Variants in DENND2A observed in about 807,000 individuals in gnomAD.
The protein encoded by DENND2A is DENN domain containing 2A.
DENND2A carries 53 observed loss-of-function variants against 105.3 expected under a neutral mutation model. The observed-to-expected ratio is 0.50, with a 90% CI of 0.40 to 0.63. DENND2A has a LOEUF of 0.63. DENND2A is among the 30% of genes least tolerant of loss of function. The pLI, the probability that DENND2A is intolerant of heterozygous loss-of-function variation, is 0.00. For synonymous variants in DENND2A, 522 were observed against 508.4 expected (o/e 1.03, Z -0.36); for missense variants, 1,138 against 1,279.6 (o/e 0.89, Z 1.69).
chr7:140,626,544 G>C (rs1009514587), intron 1 of DENND2A, among the ~76,000 whole-genome samples: 8 of 152,178 alleles, frequency 5.3e-5, no homozygotes, highest in African/African-American at 1.9e-4. Flanking sequence ...GCACCCGTAG[G>C]TCACGTTCGT....
rs1259193140 is a variant in DENND2A, at chr7:140,540,867, G to A, written c.2327+3751C>T. On this transcript the variant is annotated intron_variant, in intron 14 of 19. Coordinates refer to ENST00000496613, the MANE Select transcript of DENND2A (RefSeq NM_015689.5). Reference sequence around the variant, plus strand: ...CGAGTAGCTGGGATTACAGGTGCACGCCACCACGACCAGCTAATTTTTGTA... The same window carrying A: ...CGAGTAGCTGGGATTACAGGTGCACACCACCACGACCAGCTAATTTTTGTA... Among the ~76,000 whole-genome samples the A allele has an allele frequency of 2.0e-5, 3 of 151,982 alleles. No individual in the cohort carries two copies. In the East Asian group the frequency reaches 5.8e-4, roughly 29 times the overall value.
intron 6 of DENND2A, among the ~76,000 whole-genome samples, chr7:140,571,129 G>C (rs1050807307): frequency 6.6e-6 from 1 of 152,062 alleles, no homozygotes; most frequent in African/African-American, 2.4e-5. Context: ...AATATAGGAT[G>C]GTAATCAATT....
In DENND2A at chr7:140,527,319, T is replaced by A; in HGVS notation, c.2504A>T (p.Glu835Val). 1 of 1,580,876 alleles carries A rather than the reference T, an allele frequency of 6.3e-7. No homozygotes were observed. Among genetic ancestry groups the A allele is most frequent in the African/African-American group, 1.3e-5 (1 of 74,526 alleles). ...GGACAGGGCTGAGTGGGAGCTCACC[T>A]CTTCCAGCGGCAGCTCCCTGAGCAG... ...LPLLRELPLE[E>V]VLVVDLVNSR... The change falls in exon 15 of 20, where the codon GAG (glutamate) becomes GTG (valine). Residue 835 changes from glutamate to valine, a missense_variant and splice_region_variant. Glu to Val is a moderately radical substitution (Grantham distance 121). Around this residue, in one of 2 missense-constraint regions of DENND2A, gnomAD observed 627 missense variants for 779.8 expected, o/e 0.80. Transcript: ENST00000496613. This position sits in a 1 kb window ranked among gnomAD's most constrained non-coding sequence, Gnocchi z 4.9.
chr7:140,555,780 G>A (rs1314595592), intron 11 of DENND2A, 67 bp from the exon 12 acceptor site: 2 of 1,411,440 alleles, frequency 1.4e-6, no homozygotes, highest in African/African-American at 1.5e-5. Flanking sequence ...GAACCCACAT[G>A]TTTTTTGCGA....
chr7:140,626,264 T>C (rs1180611032), intron 1 of DENND2A, among the ~76,000 whole-genome samples: 2 of 152,206 alleles, frequency 1.3e-5, no homozygotes, highest in East Asian at 3.8e-4. Flanking sequence ...CTGCACACCA[T>C]GCATGCTGTG....
chr7:140,548,802 G>A (rs575552237), intron 12 of DENND2A, among the ~76,000 whole-genome samples: 2 of 151,064 alleles, frequency 1.3e-5, no homozygotes, highest in Non-Finnish European at 2.9e-5. Context: ...TAGTAGAGAC[G>A]GGGTTTCTCC....
In DENND2A at chr7:140,578,852, C is replaced by T. The variant is rs192434440; in HGVS notation, c.1246-4844G>A. On this transcript the variant is annotated intron_variant, in intron 5 of 19. Transcript: ENST00000496613. The stretch of plus-strand genomic sequence containing the variant: ...TCATGCCACTGCACTCTAGCCTGGG[C>T]GACAGCGTGAGACTTCGTCTCATAA... 1.6e-3 allele frequency among the ~76,000 whole-genome samples: 247 copies of T among 152,166 alleles called. 1 individual carries two copies. Among genetic ancestry groups the T allele is most frequent in the Admixed American group, 2.8e-3 (43 of 15,296 alleles).
rs761393875 is a variant in DENND2A at position 140,602,141 on chromosome 7, T to C, written c.257A>G (p.Asp86Gly). 1.2e-6 allele frequency: 2 copies of C among 1,614,140 alleles called. No individual in the cohort carries two copies. The highest frequency in any genetic ancestry group is 8.5e-7 in the Non-Finnish European group (1 of 1,180,008). ...PSSTVERRSS[D>G]GVRTQVTEAK... is the part of the protein sequence containing the mutation. ...CTCTGTGACCTGAGTTCTCACCCCA[T>C]CACTACTCCTCCTCTCCACCGTAGA... Residue 86 changes from aspartate to glycine, a missense_variant, in exon 3 of 20, where the codon GAT becomes GGT. This residue lies in a region of DENND2A where 511 missense variants were observed against 499.9 expected (regional missense o/e 1.02). Coordinates refer to ENST00000496613, the MANE Select transcript of DENND2A (RefSeq NM_015689.5).
At position 140,537,127 on chromosome 7, in the gene DENND2A, C is replaced by A. The variant is rs1371588566; in HGVS notation, c.2327+7491G>T. Among the ~76,000 whole-genome samples the A allele has an allele frequency of 4.6e-5, 7 of 152,314 alleles. 1 individual carries two copies. The East Asian group carries it at 1.3e-3, about 29-fold the overall frequency. On this transcript the variant is annotated intron_variant, in intron 14 of 19. Transcript: ENST00000496613. Reference sequence around the variant, plus strand: ...GGCTAGGCCTTGGGCAAACTCATCTCCCTAGAGAGGTGTGGTGAGAAGCCC... The same window carrying A: ...GGCTAGGCCTTGGGCAAACTCATCTACCTAGAGAGGTGTGGTGAGAAGCCC...
rs1801128879 is a variant in DENND2A at position 140,640,067 on chromosome 7, G to A, written c.-248+437C>T. On this transcript the variant is annotated intron_variant, in intron 1 of 19. Coordinates refer to ENST00000496613, the MANE Select transcript of DENND2A (RefSeq NM_015689.5). This position sits in a 1 kb window ranked among gnomAD's most constrained non-coding sequence, Gnocchi z 4.9. ...GCTGTGAGGGGGGCCCGGCTGCTCA[G>A]CCGCCTCGATGCCCCGCGCTTGCAC... 2.6e-5 allele frequency among the ~76,000 whole-genome samples: 4 copies of A among 152,304 alleles called. No individual in the cohort carries two copies. Among genetic ancestry groups the A allele is most frequent in the Non-Finnish European group, 5.9e-5 (4 of 68,020 alleles).
In DENND2A at chr7:140,546,719, A is replaced by T. The variant is rs1380858182; in HGVS notation, c.2178+80T>A. 5.1e-6 allele frequency: 8 copies of T among 1,554,936 alleles called. No homozygotes were observed. The East Asian group carries it at 1.8e-4, about 35-fold the overall frequency. On this transcript the variant is annotated intron_variant, in intron 13 of 19. Transcript: ENST00000496613. ...CCAAGGAATTGGACTGCTCACTGAA[A>T]GGCAGCCCCTCTGAGCACGGAGACT...
chr7:140,531,887 T>C (rs559507771), intron 14 of DENND2A, among the ~76,000 whole-genome samples: 2 of 151,558 alleles, frequency 1.3e-5, no homozygotes, highest in African/African-American at 2.4e-5. Context: ...TGGGAAGGCA[T>C]ACCCTGGGTC....
At chr7:140,518,855 G>A (rs376358650) in intron 19 of DENND2A, 117 bp from the exon 20 acceptor site, 2 of 842,150 alleles carry the variant, frequency 2.4e-6, no homozygotes, top group Non-Finnish European at 3.9e-6. Context: ...ACCCCAGGGA[G>A]CCTCATCCCT....
At chr7:140,539,345 C>A (rs1391506564) in intron 14 of DENND2A, among the ~76,000 whole-genome samples, 1 of 152,180 alleles carries the variant, frequency 6.6e-6, no homozygotes, top group Admixed American at 6.5e-5. Flanking sequence ...TCATACCTGT[C>A]TCACTGGGAC....
rs1466051495 is a variant in DENND2A, at chr7:140,559,628, A to T, written c.1889+80T>A. ...GATTACTTAACGGTGGGAATGACTC[A>T]TGTGGTCTGCCACCTGTAACCCCGT... is the stretch of plus-strand genomic sequence containing the variant. On this transcript the variant is annotated intron_variant, in intron 10 of 19. Coordinates refer to ENST00000496613, the MANE Select transcript of DENND2A (RefSeq NM_015689.5). This position sits in a 1 kb window ranked among gnomAD's most constrained non-coding sequence, Gnocchi z 4.1. 3.0e-6 allele frequency: 3 copies of T among 1,000,092 alleles called. No individual in the cohort carries two copies. The African/African-American group carries it at 4.8e-5, about 16-fold the overall frequency. 62.0% of individuals were successfully genotyped at this position (1,000,092 alleles called of 1,614,324 possible).
intron 5 of DENND2A, among the ~76,000 whole-genome samples, chr7:140,580,939 C>T (rs1798517111): frequency 6.6e-6 from 1 of 151,550 alleles, no homozygotes; most frequent in African/African-American, 2.4e-5. Context: ...GCCCGGCCAC[C>T]CAGCTTGTTA....
chr7:140,574,960 C>T (rs1798242805), intron 5 of DENND2A, among the ~76,000 whole-genome samples: 1 of 152,076 alleles, frequency 6.6e-6, no homozygotes, highest in Non-Finnish European at 1.5e-5. Flanking sequence ...GCGGATGTTG[C>T]AGTGAGCTGA....
chr7:140,623,440 G>A (rs895758437), intron 1 of DENND2A, among the ~76,000 whole-genome samples: 25 of 149,336 alleles, frequency 1.7e-4, no homozygotes, highest in South Asian at 6.4e-4. Flanking sequence ...CCTAAAGAGC[G>A]TATGGAGGGC....
intron 1 of DENND2A, among the ~76,000 whole-genome samples, chr7:140,620,533 T>C (rs544139463): frequency 5.9e-5 from 9 of 152,302 alleles, no homozygotes; most frequent in African/African-American, 2.2e-4. Context: ...CCAAATTTTC[T>C]ATTATAAGCA....
Sources: gnomAD v4.1 joint callset for allele counts (sites outside exome capture counted in the v4.1 genomes callset) on GRCh38, gnomAD v4.1.1 for gene constraint, gnomAD v4.1.1 regional missense constraint, Gnocchi (gnomAD v3.1) non-coding constraint, MANE v1.5 for transcripts, NCBI Gene and HGNC (gene_info 2026-07-23, HGNC 2026-07-21) for gene names.